Variants in PHF20L1 observed in about 807,000 individuals in gnomAD.
PHF20L1 encodes PHD finger protein 20 like 1, also known as PHD finger protein 20-like protein 1.
PHF20L1 carries 44 observed loss-of-function variants against 125.5 expected under a neutral mutation model. That is an observed-to-expected ratio of 0.35 (90% confidence interval 0.28 to 0.45). The LOEUF (loss-of-function observed/expected upper bound fraction) is 0.45. Ranked by LOEUF, PHF20L1 falls within the 20% of genes least tolerant of loss-of-function variation. The probability of loss-of-function intolerance (pLI) is 1.00; values close to 1 mark genes in which losing one functional copy is unlikely to be tolerated. For missense variants in PHF20L1, 1,012 were observed against 1,217.2 expected (o/e 0.83, Z 2.51); for synonymous variants, 380 against 403.1 (o/e 0.94, Z 0.69).
intron 6 of PHF20L1, among the ~76,000 whole-genome samples, chr8:132,802,843 G>T (rs1833243010): frequency 6.6e-6 from 1 of 151,776 alleles, no homozygotes; most frequent in South Asian, 2.1e-4. Context: ...TTCATTTGAT[G>T]TTGTGAAATT....
Position 132,846,088 on chromosome 8 carries a change from T to A in PHF20L1, c.*165T>A. The A allele has an allele frequency of 1.9e-6, 1 of 535,596 alleles. No individual in the cohort carries two copies. Among genetic ancestry groups the A allele is most frequent in the Non-Finnish European group, 3.3e-6 (1 of 304,320 alleles). The allele number at this position is 535,596 out of a possible 1,614,324, so 33.2% of individuals were successfully genotyped here. Reference sequence around the variant, plus strand: ...CTTGGAAAGAAAAATGAAGAACAACTTTATCAAGGAAGCTAGTATTTAAAA... The same window carrying A: ...CTTGGAAAGAAAAATGAAGAACAACATTATCAAGGAAGCTAGTATTTAAAA... On this transcript the variant is annotated 3_prime_UTR_variant, in exon 21 of 21. Coordinates refer to ENST00000395386, the MANE Select transcript of PHF20L1 (RefSeq NM_016018.5).
At chr8:132,837,245 T>G (rs1837461229) in intron 16 of PHF20L1, among the ~76,000 whole-genome samples, 1 of 152,160 alleles carries the variant, frequency 6.6e-6, no homozygotes, top group African/African-American at 2.4e-5. Flanking sequence ...GTTGAGAGCA[T>G]GAAGAAAGAG....
At chr8:132,814,975 A>T (rs1202699093) in intron 10 of PHF20L1, 86 bp downstream of exon 10, 1 of 1,125,790 alleles carries the variant, frequency 8.9e-7, no homozygotes, top group Non-Finnish European at 1.2e-6. Context: ...TATTTTTATG[A>T]AGTTGCTTTT....
rs147878701 is a variant in PHF20L1, at chr8:132,820,798, G to A, written c.1580-3206G>A. 4.0e-3 allele frequency among the ~76,000 whole-genome samples: 609 copies of A among 152,022 alleles called. 7 individuals are homozygous for A. Among genetic ancestry groups the A allele is most frequent in the African/African-American group, 0.014 (569 of 41,508 alleles). On this transcript the variant is annotated intron_variant, in intron 12 of 20. Transcript: ENST00000395386. Reference sequence around the variant, plus strand: ...TGTAGGATTATTTTTGCTTAAAAACGTCAATTAAGATAGCCTTAGAGATGA... The same window carrying A: ...TGTAGGATTATTTTTGCTTAAAAACATCAATTAAGATAGCCTTAGAGATGA...
intron 2 of PHF20L1, among the ~76,000 whole-genome samples, chr8:132,792,728 A>G (rs905875138): frequency 1.3e-5 from 2 of 152,206 alleles, no homozygotes; most frequent in East Asian, 3.8e-4. Flanking sequence ...ATTTATCTCC[A>G]GAAGTTCACA....
At chr8:132,801,021 CATATATT>C (rs1024563446) in intron 6 of PHF20L1, among the ~76,000 whole-genome samples, 15 of 151,514 alleles carry the variant, frequency 9.9e-5, no homozygotes, top group African/African-American at 3.6e-4. Context: ...ATGAAACTGA[CATATATT>C]ATAGGAGGGG....
chr8:132,811,202 T>C, intron 9 of PHF20L1, 74 bp downstream of exon 9: 1 of 1,596,468 alleles, frequency 6.3e-7, no homozygotes, highest in Non-Finnish European at 8.5e-7. Flanking sequence ...ATCTACGTAA[T>C]TGAAATTCCC....
Position 132,825,306 on chromosome 8 carries a change from A to T in PHF20L1, c.1679A>T (p.Asp560Val). 2 of 1,532,358 alleles carry T rather than the reference A, an allele frequency of 1.3e-6. No homozygotes were observed. Among genetic ancestry groups the T allele is most frequent in the Non-Finnish European group, 1.8e-6 (2 of 1,111,010 alleles). The allele number at this position is 1,532,358 out of a possible 1,614,324, so 94.9% of individuals were successfully genotyped here. Reference sequence around the variant, plus strand: ...GATAAGGAAAGAAGAGAGAAGAGAGACAAAGATCACTACAGACCAAAACAG... The same window carrying T: ...GATAAGGAAAGAAGAGAGAAGAGAGTCAAAGATCACTACAGACCAAAACAG... The part of the protein sequence containing the change: ...EKDKERREKR[D>V]KDHYRPKQKK... The change falls in exon 14 of 21, where the codon GAC becomes GTC. Residue 560 changes from aspartate (D) to valine (V), a missense_variant. Physicochemically the swap from Asp to Val is radical, Grantham distance 152. Around this residue, in one of 7 missense-constraint regions of PHF20L1, gnomAD observed 320 missense variants for 293.8 expected, o/e 1.09. Coordinates refer to ENST00000395386, the MANE Select transcript of PHF20L1 (RefSeq NM_016018.5).
chr8:132,819,706 A>G (rs1030267478), intron 12 of PHF20L1, among the ~76,000 whole-genome samples: 2 of 151,946 alleles, frequency 1.3e-5, no homozygotes, highest in South Asian at 4.1e-4. Flanking sequence ...ATGTACATAT[A>G]TGCACATACT....
At chr8:132,810,000 C>T (rs1476252306) in intron 8 of PHF20L1, 1 of 151,512 alleles carries the variant, frequency 6.6e-6, no homozygotes. Flanking sequence ...GTTTTAATGT[C>T]TTGGGATTCA....
intron 8 of PHF20L1, chr8:132,810,776 AAATG>A (rs1834297860): frequency 5.6e-6 from 2 of 360,042 alleles, no homozygotes; most frequent in African/African-American, 4.2e-5. Flanking sequence ...TTTACAGAAT[AAATG>A]TGTGTGTGCA....
At chr8:132,802,633 A>C (rs1023529912) in intron 6 of PHF20L1, among the ~76,000 whole-genome samples, 13 of 151,734 alleles carry the variant, frequency 8.6e-5, no homozygotes, top group African/African-American at 3.1e-4. Flanking sequence ...AAAATTGTTG[A>C]TTGAATGTGT....
At chr8:132,787,712 A>G (rs1831215220) in intron 2 of PHF20L1, among the ~76,000 whole-genome samples, 1 of 152,190 alleles carries the variant, frequency 6.6e-6, no homozygotes, top group Non-Finnish European at 1.5e-5. Flanking sequence ...TAATTGTAGT[A>G]TGTGATACCG....
At chr8:132,787,699 C>T (rs1446160568) in intron 2 of PHF20L1, among the ~76,000 whole-genome samples, 2 of 152,046 alleles carry the variant, frequency 1.3e-5, no homozygotes, top group Non-Finnish European at 2.9e-5. Flanking sequence ...ATTTAAAATA[C>T]TGTAATTGTA....
chr8:132,814,711 T>C lies in PHF20L1; in HGVS notation c.1005T>C (p.Pro335=). 1 of 1,612,604 alleles carries C rather than the reference T, an allele frequency of 6.2e-7. No homozygotes were observed. The highest frequency in any genetic ancestry group is 8.5e-7 in the Non-Finnish European group (1 of 1,178,910). Residue 335 remains proline (P), a synonymous_variant, in exon 10 of 21, where the codon CCT becomes CCC. Transcript: ENST00000395386. ...GCAGTTCTGCCAACACTCAGAAACC[T>C]GCACTGTTATCCTCAACTTTGTCTT... ...DISSSANTQK[P]ALLSSTLSSG...
chr8:132,785,631 C>T (rs1830928614), intron 2 of PHF20L1, among the ~76,000 whole-genome samples: 1 of 152,054 alleles, frequency 6.6e-6, no homozygotes, highest in Admixed American at 6.6e-5. Flanking sequence ...TTTCTTGCTA[C>T]AGATGGTTAG....
intron 2 of PHF20L1, among the ~76,000 whole-genome samples, chr8:132,784,216 T>C (rs1830750429): frequency 6.6e-6 from 1 of 152,184 alleles, no homozygotes; most frequent in South Asian, 2.1e-4. Context: ...TTCTTCCTTT[T>C]TTTATGTTAA....
intron 9 of PHF20L1, among the ~76,000 whole-genome samples, chr8:132,813,480 T>G (rs1834613352): frequency 6.6e-6 from 1 of 151,836 alleles, no homozygotes; most frequent in African/African-American, 2.4e-5. Context: ...GGGAACAGAA[T>G]TATTTATTTA....
At chr8:132,821,655 A>G (rs1835612845) in intron 12 of PHF20L1, among the ~76,000 whole-genome samples, 1 of 151,880 alleles carries the variant, frequency 6.6e-6, no homozygotes, top group Non-Finnish European at 1.5e-5. Context: ...CTCTCTTTTT[A>G]GTCAGAAGAA....
Sources: allele counts gnomAD v4.1 joint callset (sites outside exome capture counted in the v4.1 genomes callset), GRCh38; gene constraint gnomAD v4.1.1; regional missense constraint gnomAD v4.1.1; transcripts MANE v1.5; gene names NCBI Gene and HGNC (gene_info 2026-07-23, HGNC 2026-07-21).